The following EPHA6 variants were observed in gnomAD, a reference collection of about 807,000 sequenced individuals.
EPHA6 encodes ephrin type-A receptor 6.
In EPHA6, 50 loss-of-function variants were observed where a neutral mutation model predicts 112.0. That is an observed-to-expected ratio of 0.45 (90% CI 0.36 to 0.56). EPHA6 has a LOEUF of 0.56. Among genes scored for constraint, EPHA6 ranks in the 20% least tolerant of loss-of-function variants. EPHA6 has a pLI of 0.00. For missense variants in EPHA6, 1,280 were observed against 1,417.4 expected, an observed-to-expected ratio of 0.90 and a Z score of 1.56; for synonymous variants, 529 against 490.7, an observed-to-expected ratio of 1.08 and a Z score of -1.03.
At chr3:97,603,667 A>G (rs1055158747) in intron 12 of EPHA6, among the ~76,000 whole-genome samples, 1 of 151,968 alleles carries the variant, frequency 6.6e-6, no homozygotes, top group African/African-American at 2.4e-5. Context: ...AAGATACAAC[A>G]TAGATTGTTA....
intron 5 of EPHA6, chr3:97,244,827 G>C (rs2078940907): frequency 6.5e-6 from 1 of 152,964 alleles, no homozygotes; most frequent in Non-Finnish European, 1.5e-5. Flanking sequence ...TAGTTAAACT[G>C]TTCAGAAATC....
At chr3:97,320,076 A>C (rs2108779418) in intron 5 of EPHA6, among the ~76,000 whole-genome samples, 1 of 152,168 alleles carries the variant, frequency 6.6e-6, no homozygotes, top group East Asian at 1.9e-4. Context: ...CTCTGTTTTC[A>C]ATATTCTCTT....
chr3:97,611,029 G>C (rs141374439), intron 13 of EPHA6, among the ~76,000 whole-genome samples, 175 bp downstream of exon 13: 1 of 151,616 alleles, frequency 6.6e-6, no homozygotes, highest in African/African-American at 2.4e-5. Context: ...TGTTACTAAG[G>C]GGGGAGGATG....
chr3:96,834,578 C>A (rs576728611), intron 1 of EPHA6, among the ~76,000 whole-genome samples: 1 of 151,948 alleles, frequency 6.6e-6, no homozygotes, highest in South Asian at 2.1e-4. Context: ...TTCCTTCCAA[C>A]TCTAAGAAGT....
At chr3:97,348,285 G>T (rs1466765486) in intron 5 of EPHA6, among the ~76,000 whole-genome samples, 1 of 152,018 alleles carries the variant, frequency 6.6e-6, no homozygotes, top group Non-Finnish European at 1.5e-5. Flanking sequence ...AGTTGACAAT[G>T]ATATTCATAT....
At chr3:96,875,272 A>G (rs1382515879) in intron 2 of EPHA6, among the ~76,000 whole-genome samples, 2 of 152,088 alleles carry the variant, frequency 1.3e-5, no homozygotes, top group East Asian at 1.9e-4. Flanking sequence ...CAGCTCATGC[A>G]TGGGTAAATG....
intron 3 of EPHA6, among the ~76,000 whole-genome samples, chr3:97,078,392 T>A (rs1205541790): frequency 3.3e-5 from 5 of 152,054 alleles, no homozygotes; most frequent in Admixed American, 1.3e-4. Context: ...GAAGCTCTTT[T>A]GTTTAATTAG....
intron 3 of EPHA6, among the ~76,000 whole-genome samples, chr3:97,043,631 C>T (rs752165931): frequency 5.9e-5 from 9 of 152,068 alleles, no homozygotes; most frequent in East Asian, 5.8e-4. Context: ...GAGTGAGCTG[C>T]GTAATCTTTA....
chr3:97,422,908 G>A (rs1003689917), intron 6 of EPHA6, among the ~76,000 whole-genome samples: 3 of 152,126 alleles, frequency 2.0e-5, no homozygotes, highest in African/African-American at 7.2e-5. Flanking sequence ...AAAACCACAT[G>A]ATCATCTCAG....
intron 10 of EPHA6, among the ~76,000 whole-genome samples, chr3:97,501,978 A>C (rs1430467821): frequency 6.6e-6 from 1 of 151,956 alleles, no homozygotes; most frequent in Non-Finnish European, 1.5e-5. Context: ...TTACAAGTAG[A>C]GGCCATGTCT....
chr3:97,601,241 T>C (rs1442137274), intron 12 of EPHA6, among the ~76,000 whole-genome samples: 1 of 152,158 alleles, frequency 6.6e-6, no homozygotes, highest in East Asian at 1.9e-4. Context: ...CAAAGAAAAA[T>C]TCTGAAAATC....
intron 13 of EPHA6, among the ~76,000 whole-genome samples, chr3:97,618,171 A>G (rs537505021): frequency 6.6e-6 from 1 of 152,300 alleles, no homozygotes; most frequent in East Asian, 1.9e-4. Context: ...CTGCTCCTGA[A>G]TGACTTTTGG....
intron 13 of EPHA6, among the ~76,000 whole-genome samples, chr3:97,611,442 T>C (rs1263947980): frequency 1.3e-5 from 2 of 151,892 alleles, no homozygotes; most frequent in African/African-American, 4.8e-5. Flanking sequence ...ATACGAAAAG[T>C]AATTTATTAT....
chr3:97,465,022 C>T (rs2091009125), intron 7 of EPHA6, among the ~76,000 whole-genome samples: 1 of 152,070 alleles, frequency 6.6e-6, no homozygotes, highest in Non-Finnish European at 1.5e-5. Flanking sequence ...ATCTTTCTAC[C>T]TGCCATGATG....
intron 2 of EPHA6, among the ~76,000 whole-genome samples, chr3:96,869,546 G>T (rs1236976458): frequency 6.6e-6 from 1 of 152,006 alleles, no homozygotes; most frequent in African/African-American, 2.4e-5. Flanking sequence ...TAATCATTTG[G>T]CTGGAGTGGA....
intron 3 of EPHA6, among the ~76,000 whole-genome samples, chr3:97,123,299 T>A (rs1242648605): frequency 6.6e-6 from 1 of 152,084 alleles, no homozygotes; most frequent in Non-Finnish European, 1.5e-5. Flanking sequence ...TTTCCATGGT[T>A]AATTATTCAT....
At chr3:97,328,772 G>A (rs1173869096) in intron 5 of EPHA6, among the ~76,000 whole-genome samples, 1 of 151,876 alleles carries the variant, frequency 6.6e-6, no homozygotes, top group Non-Finnish European at 1.5e-5. Flanking sequence ...ACTCATTGCT[G>A]ACTCCTAAAT....
chr3:96,922,397 G>A (rs763167016), intron 2 of EPHA6, among the ~76,000 whole-genome samples: 40 of 152,068 alleles, frequency 2.6e-4, no homozygotes, highest in Non-Finnish European at 1.3e-4. Context: ...AGGAAGAAAC[G>A]TTACCAAATG....
chr3:97,557,965 G>T (rs2107139879), intron 11 of EPHA6, among the ~76,000 whole-genome samples: 1 of 152,026 alleles, frequency 6.6e-6, no homozygotes. Context: ...TGCTCTGGTG[G>T]TTCAGCTCAG....
Sources: allele counts gnomAD v4.1 joint callset (sites outside exome capture counted in the v4.1 genomes callset), GRCh38; gene constraint gnomAD v4.1.1; transcripts MANE v1.5; gene names NCBI Gene and HGNC (gene_info 2026-07-23, HGNC 2026-07-21).